SVEP1: variants seen among roughly 807,000 people sequenced by gnomAD.
SVEP1 encodes sushi, von Willebrand factor type A, EGF and pentraxin domain containing 1, also known as sushi, von Willebrand factor type A, EGF and pentraxin domain-containing protein 1.
A neutral mutation model predicts 367.3 loss-of-function variants in SVEP1; 164 were observed. The ratio of observed to expected loss-of-function variants is 0.45; its 90% CI spans 0.39 to 0.51. The LOEUF is 0.51. SVEP1 is among the 20% of genes least tolerant of loss of function. The probability of loss-of-function intolerance (pLI) is 0.00; values close to 1 mark genes in which losing one functional copy is unlikely to be tolerated. For missense variants in SVEP1, 4,117 were observed against 4,425.3 expected (o/e 0.93, Z 1.98); for synonymous variants, 1,666 against 1,611.6 (o/e 1.03, Z -0.81).
At chr9:110,430,027 C>T (rs1400839137) in intron 33 of SVEP1, 23 bp from the exon 34 acceptor site, 14 of 1,607,684 alleles carry the variant, frequency 8.7e-6, no homozygotes, top group East Asian at 6.7e-5. Flanking sequence ...AAAACAAACA[C>T]GTGACTTTTT....
Position 110,411,316 on chromosome 9 carries a change from C to T in SVEP1, c.6395G>A (p.Trp2132Ter). 6 of 1,614,040 alleles carry T rather than the reference C, an allele frequency of 3.7e-6. No individual in the cohort carries two copies. Among genetic ancestry groups the T allele is most frequent in the Non-Finnish European group, 4.2e-6 (5 of 1,179,902 alleles). The change falls in exon 37 of 48, where the codon TGG becomes TAG. Residue 2132 changes from tryptophan (W) to a stop codon, truncating the protein, a stop_gained. Coordinates refer to ENST00000374469, the MANE Select transcript of SVEP1 (RefSeq NM_153366.4). LOFTEE classifies it high-confidence loss of function. ...CTGGATGGACATGGGGGAAGGGTTC[C>T]ACTGCCCACCTCTCATACATTCAAT... ...AKIECMRGGQ[W>*]NPSPMSIQCI... is the part of the protein sequence containing the mutation.
intron 3 of SVEP1, among the ~76,000 whole-genome samples, chr9:110,537,315 T>TG (rs1830091128): frequency 6.6e-6 from 1 of 151,966 alleles, no homozygotes; most frequent in African/African-American, 2.4e-5. Flanking sequence ...TAAAAATCCA[T>TG]GGATACATGA....
chr9:110,386,627 A>C (rs924680409), intron 42 of SVEP1, among the ~76,000 whole-genome samples: 5 of 152,098 alleles, frequency 3.3e-5, no homozygotes, highest in African/African-American at 7.3e-5. Context: ...ATAAAGATGG[A>C]TTCATTGTTA....
intron 4 of SVEP1, among the ~76,000 whole-genome samples, 160 bp from the exon 5 acceptor site, chr9:110,513,265 A>G (rs1231600462): frequency 2.6e-5 from 4 of 152,170 alleles, no homozygotes; most frequent in Non-Finnish European, 5.9e-5. Context: ...ATTTGGAAGA[A>G]GAACCCTTAT....
At chr9:110,549,546 T>A (rs973953076) in intron 2 of SVEP1, among the ~76,000 whole-genome samples, 4 of 152,206 alleles carry the variant, frequency 2.6e-5, no homozygotes, top group Non-Finnish European at 4.4e-5. Flanking sequence ...CTTCCCACTC[T>A]GTGTGTGGCC....
chr9:110,557,774 C>A (rs1437979793), intron 1 of SVEP1, among the ~76,000 whole-genome samples: 1 of 152,022 alleles, frequency 6.6e-6, no homozygotes, highest in Admixed American at 6.6e-5. Context: ...ATTATTAAAG[C>A]AAGCTGATAA....
intron 36 of SVEP1, among the ~76,000 whole-genome samples, chr9:110,425,943 G>T (rs1219325267): frequency 6.6e-6 from 1 of 152,160 alleles, no homozygotes; most frequent in African/African-American, 2.4e-5. Context: ...TGGTGATCAT[G>T]CATTACTTTT....
intron 38 of SVEP1, among the ~76,000 whole-genome samples, chr9:110,405,193 A>G (rs1447501144): frequency 4.6e-5 from 7 of 152,218 alleles, no homozygotes; most frequent in Admixed American, 3.9e-4. Context: ...CTAACAGTTC[A>G]GGAAATTCTA....
intron 1 of SVEP1, among the ~76,000 whole-genome samples, chr9:110,574,108 T>C (rs938635335): frequency 1.3e-5 from 2 of 152,248 alleles, no homozygotes; most frequent in African/African-American, 4.8e-5. Context: ...TTAATCCTTT[T>C]TGTTTGGTCA....
At chr9:110,387,263 T>G (rs1051462695) in intron 42 of SVEP1, 22 bp downstream of exon 42, 1 of 1,550,490 alleles carries the variant, frequency 6.4e-7, no homozygotes, top group Admixed American at 2.2e-5. Context: ...TGATTAAAAT[T>G]TCTCCTAAAG....
intron 38 of SVEP1, among the ~76,000 whole-genome samples, chr9:110,405,696 CTTTACATAAGATATTTCT>C (rs1264503155): frequency 1.3e-5 from 2 of 152,178 alleles, no homozygotes; most frequent in Admixed American, 6.5e-5. Context: ...GCTCTAGGTC[CTTTACATAAGATATTTCT>C]TTTAATCCTG....
chr9:110,373,098 T>C (rs946513906), intron 46 of SVEP1, among the ~76,000 whole-genome samples: 13 of 152,048 alleles, frequency 8.5e-5, no homozygotes, highest in Admixed American at 8.5e-4. Context: ...TAACCTCAGA[T>C]GAAAGGGAGG....
intron 45 of SVEP1, 26 bp from the exon 46 acceptor site, chr9:110,375,489 A>G: frequency 1.5e-6 from 2 of 1,362,652 alleles, no homozygotes; most frequent in Non-Finnish European, 2.0e-6. Context: ...AAAAAAAAAA[A>G]AGGAGGCAGG....
rs1419757633 is a variant in SVEP1, at chr9:110,403,302, T to TG, written c.9666+1024_9666+1025insC. On this transcript the variant is annotated intron_variant, in intron 39 of 47. Transcript: ENST00000374469. The stretch of plus-strand genomic sequence containing the variant: ...TTCCTTCCCCGCCACCGCCGTTTTT[T>TG]TTTTTTTTTTTTTTTTTTTTTGACA... Among the ~76,000 whole-genome samples the TG allele has an allele frequency of 2.4e-5, 3 of 125,232 alleles. No homozygotes were observed. In the East Asian group the frequency reaches 6.9e-4, roughly 29 times the overall value. The allele number at this position is 125,232 out of a possible 152,430, so 82.2% of individuals were successfully genotyped here. A position where few individuals can be genotyped will look rare whatever the true frequency, so the allele number is the denominator to read the frequency against.
intron 18 of SVEP1, among the ~76,000 whole-genome samples, chr9:110,461,380 A>C (rs1030244176): frequency 6.6e-6 from 1 of 152,208 alleles, no homozygotes. Flanking sequence ...ACTATTAAAA[A>C]TACTAAGACT....
intron 34 of SVEP1, 75 bp from the exon 35 acceptor site, chr9:110,429,409 TA>T: frequency 9.6e-7 from 1 of 1,037,802 alleles, no homozygotes; most frequent in Non-Finnish European, 1.3e-6. Flanking sequence ...CAAAAACCTC[TA>T]AAAATATTAA....
intron 5 of SVEP1, among the ~76,000 whole-genome samples, chr9:110,508,003 T>C (rs1236947352): frequency 6.6e-6 from 1 of 152,206 alleles, no homozygotes; most frequent in Non-Finnish European, 1.5e-5. Context: ...AAACAAAACA[T>C]ATGCAATAAT....
At position 110,546,211 on chromosome 9, in the gene SVEP1, G is replaced by A. The variant is rs1480623276; in HGVS notation, c.868C>T (p.Arg290Ter). 5.7e-6 allele frequency: 9 copies of A among 1,580,718 alleles called. No individual in the cohort carries two copies. The highest frequency in any genetic ancestry group is 1.2e-5 in the South Asian group (1 of 85,750). Residue 290 changes from arginine to a stop codon, truncating the protein, a stop_gained, in exon 3 of 48, where the codon CGA becomes TGA. Coordinates refer to ENST00000374469, the MANE Select transcript of SVEP1 (RefSeq NM_153366.4). LOFTEE classifies it high-confidence loss of function. ...GTCCCACATTTGCAGCTTCCCATTC[G>A]GTCACAGCAGTCCTTGCCTTCATCA... Reference protein sequence around the residue: ...LCDEGKDCCDRMGSCKCGTHT... With the variant: ...LCDEGKDCCD
chr9:110,415,862 A>C (rs1418423515), intron 36 of SVEP1, among the ~76,000 whole-genome samples: 1 of 152,082 alleles, frequency 6.6e-6, no homozygotes, highest in Non-Finnish European at 1.5e-5. Flanking sequence ...ACCTTGGATT[A>C]GACAAAGAAG....
Sources: gnomAD v4.1 joint callset for allele counts (sites outside exome capture counted in the v4.1 genomes callset) on GRCh38, gnomAD v4.1.1 for gene constraint, MANE v1.5 for transcripts, NCBI Gene and HGNC (gene_info 2026-07-23, HGNC 2026-07-21) for gene names.